Variants in PRR16 observed in about 807,000 individuals in gnomAD.
PRR16 encodes the protein protein Largen.
PRR16 carries 6 observed loss-of-function variants against 18.2 expected under a neutral mutation model. The observed-to-expected ratio is 0.33, with a 90% confidence interval of 0.18 to 0.65. PRR16 has a LOEUF of 0.65. PRR16 is among the 30% of genes least tolerant of loss of function. The probability of loss-of-function intolerance (pLI) is 0.74; values close to 1 mark genes in which losing one functional copy is unlikely to be tolerated. For missense variants in PRR16, 412 were observed against 376.6 expected (o/e 1.09, Z -0.78); for synonymous variants, 151 against 147.8 (o/e 1.02, Z -0.16).
In PRR16 at chr5:120,610,771, A is replaced by G. The variant is rs544220929; in HGVS notation, c.160-75183A>G. On this transcript the variant is annotated intron_variant, in intron 1 of 1. Transcript: ENST00000407149. Reference sequence around the variant, plus strand: ...TGTTGGCTATGTCTTTATCAGTAGCATAAAAACAGACTAACACAGTAAATT... The same window carrying G: ...TGTTGGCTATGTCTTTATCAGTAGCGTAAAAACAGACTAACACAGTAAATT... 2.0e-5 allele frequency among the ~76,000 whole-genome samples: 3 copies of G among 152,290 alleles called. No homozygotes were observed. In the East Asian group the frequency reaches 5.8e-4, roughly 29 times the overall value.
intron 1 of PRR16, among the ~76,000 whole-genome samples, chr5:120,499,339 A>C (rs1750370616): frequency 6.6e-6 from 1 of 151,576 alleles, no homozygotes; most frequent in Non-Finnish European, 1.5e-5. Context: ...ATCACTTTTT[A>C]AGCCCTACCC....
At position 120,593,780 on chromosome 5, in the gene PRR16, A is replaced by G. The variant is rs139811838; in HGVS notation, c.160-92174A>G. On this transcript the variant is annotated intron_variant, in intron 1 of 1. Transcript: ENST00000407149. ...AAAATACCAACAAACCGAATCTAAT[A>G]GCACATCAAAAAGTGAATCTACCAC... is the stretch of plus-strand genomic sequence containing the variant. 2.4e-3 allele frequency among the ~76,000 whole-genome samples: 359 copies of G among 152,288 alleles called. 2 individuals are homozygous for G. The highest frequency in any genetic ancestry group is 8.1e-3 in the African/African-American group (338 of 41,572).
chr5:120,520,239 A>G (rs1751128520), intron 1 of PRR16, among the ~76,000 whole-genome samples: 1 of 152,066 alleles, frequency 6.6e-6, no homozygotes, highest in Non-Finnish European at 1.5e-5. Context: ...CACTAAAAAT[A>G]CAAAAATTAG....
intron 1 of PRR16, among the ~76,000 whole-genome samples, chr5:120,522,358 GC>G (rs1751211797): frequency 1.3e-5 from 2 of 152,096 alleles, no homozygotes; most frequent in Admixed American, 1.3e-4. Flanking sequence ...TTTAATGATA[GC>G]CATTCTAACT....
chr5:120,567,209 C>T (rs1324177689), intron 1 of PRR16, among the ~76,000 whole-genome samples: 2 of 152,080 alleles, frequency 1.3e-5, no homozygotes, highest in African/African-American at 4.8e-5. Context: ...AGTTTTGGCC[C>T]ATAACTGGAA....
the PRR16 span, among the ~76,000 whole-genome samples, chr5:120,739,496 C>A: frequency 3.9e-5 from 6 of 152,142 alleles, no homozygotes; most frequent in African/African-American, 1.4e-4. Flanking sequence ...CTGAGCTGTG[C>A]ATATAAAAAT....
rs1469194595 is a variant in PRR16, at chr5:120,686,845, C to CT, written c.*137dup. On this transcript the variant is annotated 3_prime_UTR_variant, in exon 2 of 2. Transcript: ENST00000407149. ...TTCAGCAAAGTGGCATAAAAATCACCTGGTAAGTATGCAGCACATTGCTTA... is the reference window on the plus strand; with the variant it reads ...TTCAGCAAAGTGGCATAAAAATCACCTTGGTAAGTATGCAGCACATTGCTTA... 3 of 648,274 alleles carry CT rather than the reference C, an allele frequency of 4.6e-6. No homozygotes were observed. The African/African-American group carries it at 5.6e-5, about 12-fold the overall frequency. 40.2% of individuals were successfully genotyped at this position (648,274 alleles called of 1,614,324 possible).
At chr5:120,682,813 AC>A (rs1757011353) in intron 1 of PRR16, among the ~76,000 whole-genome samples, 1 of 152,202 alleles carries the variant, frequency 6.6e-6, no homozygotes, top group Admixed American at 6.5e-5. Context: ...TGAAGTAACA[AC>A]CACTTCCAAG....
intron 1 of PRR16, among the ~76,000 whole-genome samples, chr5:120,640,787 C>T (rs1274084773): frequency 1.3e-5 from 2 of 152,122 alleles, no homozygotes; most frequent in Non-Finnish European, 2.9e-5. Flanking sequence ...CAATTCTTCT[C>T]CCTTGCTTCT....
At chr5:120,614,696 G>A (rs1264278401) in intron 1 of PRR16, among the ~76,000 whole-genome samples, 1 of 152,174 alleles carries the variant, frequency 6.6e-6, no homozygotes, top group Non-Finnish European at 1.5e-5. Context: ...ACAAGTTATG[G>A]CTGGAATGAT....
At chr5:120,687,435 A>C (rs1356998349), downstream of PRR16, 2 of 152,168 alleles carry the variant, frequency 1.3e-5, no homozygotes, top group Non-Finnish European at 2.9e-5. Context: ...GAATTTTCTA[A>C]ATGAAATATC....
intron 1 of PRR16, among the ~76,000 whole-genome samples, chr5:120,647,619 T>C (rs971196153): frequency 1.3e-5 from 2 of 152,084 alleles, no homozygotes; most frequent in African/African-American, 4.8e-5. Context: ...ATTTCTTTAC[T>C]AATTCTAATC....
At chr5:120,587,846 C>T (rs542716819) in intron 1 of PRR16, among the ~76,000 whole-genome samples, 36 of 152,234 alleles carry the variant, frequency 2.4e-4, no homozygotes, top group Non-Finnish European at 1.0e-4. Context: ...AAGGTTATTG[C>T]TGCCATACAT....
intron 1 of PRR16, among the ~76,000 whole-genome samples, chr5:120,490,978 A>C (rs561376270): frequency 1.3e-5 from 2 of 152,304 alleles, no homozygotes; most frequent in South Asian, 4.1e-4. Flanking sequence ...GATATTGGTG[A>C]ACAGCAAATG....
At chr5:120,496,221 A>G (rs1047775854) in intron 1 of PRR16, among the ~76,000 whole-genome samples, 1 of 152,020 alleles carries the variant, frequency 6.6e-6, no homozygotes, top group Admixed American at 6.6e-5. Context: ...TTGTATCTGT[A>G]GATATGGTGT....
chr5:120,509,419 C>A (rs894134912), intron 1 of PRR16, among the ~76,000 whole-genome samples: 1 of 152,010 alleles, frequency 6.6e-6, no homozygotes, highest in East Asian at 1.9e-4. Flanking sequence ...TGAGATGGTT[C>A]GCTTGGGTAT....
At chr5:120,782,140 G>A in the PRR16 span, among the ~76,000 whole-genome samples, 2 of 152,184 alleles carry the variant, frequency 1.3e-5, no homozygotes, top group Non-Finnish European at 2.9e-5. Flanking sequence ...TAAACTGAGT[G>A]TGTGGTTGGT....
chr5:120,522,346 T>G lies in PRR16; in HGVS notation c.159+57701T>G, dbSNP rs187688014. Among the ~76,000 whole-genome samples the G allele has an allele frequency of 4.7e-3, 711 of 152,290 alleles. 5 individuals are homozygous for G. Among genetic ancestry groups the G allele is most frequent in the African/African-American group, 0.016 (662 of 41,542 alleles). ...TCTCCAGCACCTGTTGTTTCCTGAC[T>G]TTTTAATGATAGCCATTCTAACTGG... On this transcript the variant is annotated intron_variant, in intron 1 of 1. Transcript: ENST00000407149.
chr5:120,755,879 G>A, the PRR16 span, among the ~76,000 whole-genome samples: 2 of 152,114 alleles, frequency 1.3e-5, no homozygotes. Context: ...TTTACTGAAA[G>A]AAAAGTGTAC....
Sources: allele counts gnomAD v4.1 joint callset (sites outside exome capture counted in the v4.1 genomes callset), GRCh38; gene constraint gnomAD v4.1.1; transcripts MANE v1.5; gene names NCBI Gene and HGNC (gene_info 2026-07-23, HGNC 2026-07-21).